Variants in PTPN9 observed in about 807,000 individuals in gnomAD.
The protein encoded by PTPN9 is protein tyrosine phosphatase non-receptor type 9, also known as tyrosine-protein phosphatase non-receptor type 9.
A neutral mutation model predicts 69.8 loss-of-function variants in PTPN9; 26 were observed. That is an observed-to-expected ratio of 0.37 (90% confidence interval 0.27 to 0.52). The LOEUF (loss-of-function observed/expected upper bound fraction) is 0.52. PTPN9 is among the 20% of genes least tolerant of loss of function. The pLI, the probability that PTPN9 is intolerant of heterozygous loss-of-function variation, is 0.91. For synonymous variants in PTPN9, 274 were observed against 272.5 expected, an observed-to-expected ratio of 1.01 and a Z score of -0.05; for missense variants, 549 against 740.3, an observed-to-expected ratio of 0.74 and a Z score of 3.00.
chr15:75,558,498 A>ACTCTCC (rs1240458948), intron 1 of PTPN9, among the ~76,000 whole-genome samples: 5 of 150,134 alleles, frequency 3.3e-5, no homozygotes, highest in African/African-American at 9.8e-5. Flanking sequence ...CAAGAGTGAG[A>ACTCTCC]CTCTCCCTCT....
At chr15:75,558,625 C>G (rs528990446) in intron 1 of PTPN9, among the ~76,000 whole-genome samples, 64 of 152,334 alleles carry the variant, frequency 4.2e-4, no homozygotes, top group Non-Finnish European at 7.9e-4. Context: ...CTGCAACCTC[C>G]CTGCCTGATT....
intron 1 of PTPN9, among the ~76,000 whole-genome samples, chr15:75,546,992 A>G (rs548647550): frequency 3.3e-5 from 5 of 151,826 alleles, no homozygotes; most frequent in African/African-American, 1.2e-4. Context: ...TCACTCAGGC[A>G]AGTCAAAAAC....
chr15:75,533,425 A>C (rs112794464), intron 1 of PTPN9, among the ~76,000 whole-genome samples: 202 of 151,964 alleles, frequency 1.3e-3, no homozygotes, highest in Non-Finnish European at 2.5e-3. Flanking sequence ...ATGCCTGGCT[A>C]ATTTTTGCAT....
At chr15:75,570,632 T>C (rs2075144691) in intron 1 of PTPN9, among the ~76,000 whole-genome samples, 1 of 151,690 alleles carries the variant, frequency 6.6e-6, no homozygotes. Context: ...TAGTCATGTG[T>C]GGTAGCATGC....
At chr15:75,504,919 G>A (rs1037920988) in intron 7 of PTPN9, among the ~76,000 whole-genome samples, 42 of 152,092 alleles carry the variant, frequency 2.8e-4, no homozygotes, top group Non-Finnish European at 5.0e-4. Flanking sequence ...ACTAGGAAGT[G>A]AGGAGCCCCT....
chr15:75,573,346 T>C (rs1418138199), intron 1 of PTPN9, among the ~76,000 whole-genome samples: 2 of 152,204 alleles, frequency 1.3e-5, no homozygotes, highest in Non-Finnish European at 2.9e-5. Context: ...TTGTTATTCA[T>C]ATAAGCTCCT....
chr15:75,508,105 A>G (rs952190597), intron 6 of PTPN9, among the ~76,000 whole-genome samples: 3 of 151,752 alleles, frequency 2.0e-5, no homozygotes, highest in Admixed American at 1.3e-4. Context: ...GTCTCTAAGC[A>G]GCTTCCACAG....
At chr15:75,538,664 G>C (rs762169988) in intron 1 of PTPN9, among the ~76,000 whole-genome samples, 2 of 151,918 alleles carry the variant, frequency 1.3e-5, no homozygotes, top group Admixed American at 1.3e-4. Flanking sequence ...CCCAGCCTGG[G>C]TGACACAGCC....
intron 1 of PTPN9, among the ~76,000 whole-genome samples, chr15:75,542,170 A>T (rs991465274): frequency 6.6e-6 from 1 of 152,216 alleles, no homozygotes; most frequent in Non-Finnish European, 1.5e-5. Flanking sequence ...TTTCACAATG[A>T]GTTTACAAAC....
chr15:75,470,118 ACT>A, intron 11 of PTPN9, 119 bp from the exon 12 acceptor site: 1 of 912,230 alleles, frequency 1.1e-6, no homozygotes, highest in Non-Finnish European at 1.7e-6. Flanking sequence ...CCTATCCACC[ACT>A]GTCAACTTTT....
intron 8 of PTPN9, among the ~76,000 whole-genome samples, chr15:75,483,023 T>A (rs1424926394): frequency 6.6e-6 from 1 of 152,126 alleles, no homozygotes; most frequent in African/African-American, 2.4e-5. Context: ...AGATACTAAT[T>A]TATACCCACT....
chr15:75,552,822 A>T (rs1173828069), intron 1 of PTPN9, among the ~76,000 whole-genome samples: 3 of 149,476 alleles, frequency 2.0e-5, no homozygotes, highest in African/African-American at 7.4e-5. Context: ...CCCATAAAAG[A>T]TTTAGATAAG....
intron 7 of PTPN9, among the ~76,000 whole-genome samples, chr15:75,492,411 C>G (rs2074716026): frequency 6.6e-6 from 1 of 152,130 alleles, no homozygotes; most frequent in Non-Finnish European, 1.5e-5. Flanking sequence ...TATAGAGAGA[C>G]AAGATGGCAC....
chr15:75,483,810 T>C (rs1458708253), intron 8 of PTPN9, among the ~76,000 whole-genome samples: 1 of 152,200 alleles, frequency 6.6e-6, no homozygotes, highest in Non-Finnish European at 1.5e-5. Context: ...GTTGGCAAAC[T>C]GACAAACTGC....
At chr15:75,528,816 C>T (rs998473908) in intron 1 of PTPN9, among the ~76,000 whole-genome samples, 1 of 151,726 alleles carries the variant, frequency 6.6e-6, no homozygotes, top group Non-Finnish European at 1.5e-5. Flanking sequence ...TCCTCCTGTC[C>T]CCGCCTTCCG....
At chr15:75,517,386 A>C (rs1003476106) in intron 4 of PTPN9, 22 bp from the exon 5 acceptor site, 3 of 1,590,736 alleles carry the variant, frequency 1.9e-6, no homozygotes, top group Middle Eastern at 1.7e-4. Context: ...CCATTGAACA[A>C]AAACATTTGT....
intron 6 of PTPN9, among the ~76,000 whole-genome samples, chr15:75,507,334 T>C (rs2141311864): frequency 6.7e-6 from 1 of 150,090 alleles, no homozygotes; most frequent in East Asian, 2.0e-4. Context: ...TAATCCCAGC[T>C]ACTTGGGAGG....
At chr15:75,473,828 G>A (rs1335555321) in intron 9 of PTPN9, 61 bp from the exon 10 acceptor site, 1 of 1,372,348 alleles carries the variant, frequency 7.3e-7, no homozygotes, top group Non-Finnish European at 1.0e-6. Flanking sequence ...TCTTTTGTAG[G>A]CGCTTCTGTT....
intron 1 of PTPN9, among the ~76,000 whole-genome samples, chr15:75,544,403 T>C (rs886527191): frequency 7.2e-5 from 11 of 152,122 alleles, no homozygotes; most frequent in African/African-American, 2.7e-4. Context: ...GGTGTGGCAG[T>C]GTACTGCTGT....
Sources: gnomAD v4.1 joint callset for allele counts (sites outside exome capture counted in the v4.1 genomes callset) on GRCh38, gnomAD v4.1.1 for gene constraint, MANE v1.5 for transcripts, NCBI Gene and HGNC (gene_info 2026-07-23, HGNC 2026-07-21) for gene names.